Variants in PACRG observed in about 807,000 individuals in gnomAD.
PACRG encodes parkin coregulated gene protein.
Under a neutral mutation model 29.7 loss-of-function variants are expected in PACRG, and 29 were observed. The observed-to-expected ratio is 0.98, with a 90% CI of 0.73 to 1.33. The LOEUF is 1.33. PACRG is among the 40% of genes most tolerant of loss of function. The probability of loss-of-function intolerance (pLI) is 0.00; values close to 1 mark genes in which losing one functional copy is unlikely to be tolerated. For missense variants in PACRG, 279 were observed against 316.2 expected, an observed-to-expected ratio of 0.88 and a Z score of 0.89; for synonymous variants, 116 against 118.7, an observed-to-expected ratio of 0.98 and a Z score of 0.15.
intron 4 of PACRG, among the ~76,000 whole-genome samples, chr6:163,157,515 C>T (rs1778374062): frequency 6.6e-6 from 1 of 152,250 alleles, no homozygotes; most frequent in South Asian, 2.1e-4. Flanking sequence ...CCTGTTGCTG[C>T]ATCCCCAGCA....
At chr6:162,890,567 C>T (rs111650650) in intron 2 of PACRG, among the ~76,000 whole-genome samples, 40 of 152,326 alleles carry the variant, frequency 2.6e-4, no homozygotes, top group African/African-American at 9.4e-4. Context: ...AATGGTTTCG[C>T]TCACACTCAG....
intron 4 of PACRG, chr6:163,310,717 A>G (rs989079794): frequency 6.6e-6 from 1 of 152,220 alleles, no homozygotes; most frequent in Non-Finnish European, 1.5e-5. Context: ...AAGTTTGCAC[A>G]CAGTCTAGAA....
At chr6:163,281,788 T>C (rs752113366) in intron 4 of PACRG, among the ~76,000 whole-genome samples, 17 of 152,208 alleles carry the variant, frequency 1.1e-4, no homozygotes, top group Non-Finnish European at 2.2e-4. Context: ...TCTTTTGATC[T>C]AGTAATTCAA....
At chr6:163,204,731 C>A (rs1343075329) in intron 4 of PACRG, among the ~76,000 whole-genome samples, 1 of 152,056 alleles carries the variant, frequency 6.6e-6, no homozygotes, top group African/African-American at 2.4e-5. Context: ...AAGTCCTGAC[C>A]AGGGCAATCG....
At position 163,089,240 on chromosome 6, in the gene PACRG, T is replaced by C. The variant is rs1302508610; in HGVS notation, c.464-19T>C. 39 of 1,606,346 alleles carry C rather than the reference T, an allele frequency of 2.4e-5. No homozygotes were observed. Among genetic ancestry groups the C allele is most frequent in the Non-Finnish European group, 3.3e-5 (39 of 1,175,726 alleles). ...TTCTATTAAAATATTTTCTGCTTGGTCCTTCTTTTACCATATAGATGCCTT... is the reference window on the plus strand; with the variant it reads ...TTCTATTAAAATATTTTCTGCTTGGCCCTTCTTTTACCATATAGATGCCTT... On this transcript the variant is annotated intron_variant, in intron 3 of 4. Coordinates refer to ENST00000366888, the MANE Select transcript of PACRG (RefSeq NM_001080379.2).
At chr6:162,997,668 G>T in intron 2 of PACRG, 1 of 236,272 alleles carries the variant, frequency 4.2e-6, no homozygotes, top group Non-Finnish European at 8.5e-6. Context: ...TCTTCAAAGT[G>T]GTGATTTCAG....
In PACRG at chr6:163,067,953, G is replaced by A. The variant is rs117203232; in HGVS notation, c.463+5632G>A. On this transcript the variant is annotated intron_variant, in intron 3 of 4. Transcript: ENST00000366888. ...ATTTTCTTCAAGTATTACAAGATCTGTCAAAAGAATATTATTTTCAAAATG... is the reference window on the plus strand; with the variant it reads ...ATTTTCTTCAAGTATTACAAGATCTATCAAAAGAATATTATTTTCAAAATG... Among the ~76,000 whole-genome samples the A allele has an allele frequency of 1.4e-3, 216 of 152,232 alleles. 2 individuals carry two copies. Among genetic ancestry groups the A allele is most frequent in the East Asian group, 0.011 (55 of 5,182 alleles).
At chr6:162,971,711 G>C (rs1584907739) in intron 2 of PACRG, among the ~76,000 whole-genome samples, 1 of 152,144 alleles carries the variant, frequency 6.6e-6, no homozygotes, top group East Asian at 1.9e-4. Flanking sequence ...TTTTAATATT[G>C]TGAAAAACAC....
chr6:162,801,417 A>G (rs1161229280), intron 1 of PACRG, among the ~76,000 whole-genome samples: 1 of 152,104 alleles, frequency 6.6e-6, no homozygotes, highest in African/African-American at 2.4e-5. Flanking sequence ...CTAATTTTCT[A>G]CATATTACTA....
At chr6:163,168,631 G>A (rs1233283496) in intron 4 of PACRG, among the ~76,000 whole-genome samples, 2 of 152,196 alleles carry the variant, frequency 1.3e-5, no homozygotes, top group Non-Finnish European at 2.9e-5. Context: ...TGGCCCAACT[G>A]TATGTAATTC....
At chr6:163,144,252 G>GAAAAAAAAAAAAA in intron 4 of PACRG, among the ~76,000 whole-genome samples, 1 of 110,852 alleles carries the variant, frequency 9.0e-6, no homozygotes, top group Non-Finnish European at 2.0e-5. Flanking sequence ...AAAAAAAAGG[G>GAAAAAAAAAAAAA]AAAAGTAGTT....
intron 2 of PACRG, among the ~76,000 whole-genome samples, chr6:162,922,538 C>T (rs1010653924): frequency 2.0e-5 from 3 of 151,950 alleles, no homozygotes; most frequent in African/African-American, 7.3e-5. Flanking sequence ...AATTTGGTAT[C>T]CCTTAAGCAG....
chr6:162,965,466 C>A lies in PACRG; in HGVS notation c.292-96684C>A, dbSNP rs78022757. ...GACTGCTTTCTGGTTCAAGATGGTG[C>A]CTTCTATCTGTCTTCACATAGTAGA... On this transcript the variant is annotated intron_variant, in intron 2 of 4. Coordinates refer to ENST00000366888, the MANE Select transcript of PACRG (RefSeq NM_001080379.2). 9.1e-3 allele frequency among the ~76,000 whole-genome samples: 1,382 copies of A among 152,260 alleles called. 15 individuals are homozygous for A. The highest frequency in any genetic ancestry group is 0.024 in the African/African-American group (999 of 41,552).
intron 4 of PACRG, among the ~76,000 whole-genome samples, chr6:163,107,100 G>A (rs1054407306): frequency 1.3e-5 from 2 of 152,026 alleles, no homozygotes; most frequent in Non-Finnish European, 2.9e-5. Context: ...GAGAGAGGGA[G>A]AGAAATAGAT....
Position 163,026,854 on chromosome 6 carries a change from G to A in PACRG, c.292-35296G>A, listed in dbSNP as rs1045100444. On this transcript the variant is annotated intron_variant, in intron 2 of 4. Transcript: ENST00000366888. ...AGGGACTGGTTACAGAAGAGGTGCC[G>A]TAGCAAATTAGGGTGATCCAGAAGC... is the stretch of plus-strand genomic sequence containing the variant. Among the ~76,000 whole-genome samples, 9 of 152,352 alleles carry A rather than the reference G, an allele frequency of 5.9e-5. No individual in the cohort carries two copies. In the South Asian group the frequency reaches 8.3e-4, roughly 14 times the overall value.
At chr6:162,981,881 A>G (rs887498955) in intron 2 of PACRG, among the ~76,000 whole-genome samples, 6 of 147,200 alleles carry the variant, frequency 4.1e-5, no homozygotes, top group Non-Finnish European at 8.9e-5. Context: ...TTTGAATGTC[A>G]GCTGTGAATC....
At chr6:163,154,450 A>G (rs1448444841) in intron 4 of PACRG, among the ~76,000 whole-genome samples, 2 of 152,186 alleles carry the variant, frequency 1.3e-5, no homozygotes, top group Admixed American at 6.5e-5. Context: ...ATAGAATCCT[A>G]TGTGAGGCAG....
chr6:163,212,863 A>G (rs753184393), intron 4 of PACRG, among the ~76,000 whole-genome samples: 4 of 151,262 alleles, frequency 2.6e-5, no homozygotes, highest in Admixed American at 6.6e-5. Context: ...ACTGCAAGCT[A>G]TGCCTCCCAG....
At chr6:163,301,151 C>T (rs1784988228) in intron 4 of PACRG, among the ~76,000 whole-genome samples, 1 of 152,108 alleles carries the variant, frequency 6.6e-6, no homozygotes, top group Non-Finnish European at 1.5e-5. Flanking sequence ...GTTGGCTTAT[C>T]AGGGCTGCAT....
Sources: gnomAD v4.1 joint callset for allele counts (sites outside exome capture counted in the v4.1 genomes callset) on GRCh38, gnomAD v4.1.1 for gene constraint, MANE v1.5 for transcripts, NCBI Gene and HGNC (gene_info 2026-07-23, HGNC 2026-07-21) for gene names.